Variants in IFT57 observed in about 807,000 individuals in gnomAD.
IFT57 encodes intraflagellar transport protein 57 homolog.
A neutral mutation model predicts 56.8 loss-of-function variants in IFT57; 59 were observed. The ratio of observed to expected loss-of-function variants is 1.04; its 90% CI spans 0.84 to 1.29. IFT57 has a LOEUF of 1.29. IFT57 is among the 50% of genes most tolerant of loss of function. The probability of loss-of-function intolerance (pLI) is 0.00; values close to 1 mark genes in which losing one functional copy is unlikely to be tolerated. For synonymous variants in IFT57, 209 were observed against 186.1 expected (o/e 1.12, Z -1.00); for missense variants, 470 against 522.1 (o/e 0.90, Z 0.97).
chr3:108,166,611 C>T (rs530576481), intron 8 of IFT57, among the ~76,000 whole-genome samples: 1 of 152,136 alleles, frequency 6.6e-6, no homozygotes, highest in Non-Finnish European at 1.5e-5. Flanking sequence ...ACAGCATATG[C>T]CTTCATTTAC....
rs545854377 is a variant in IFT57 at position 108,207,123 on chromosome 3, T to C, written c.586-427A>G. Among the ~76,000 whole-genome samples, 29 of 152,300 alleles carry C rather than the reference T, an allele frequency of 1.9e-4. No homozygotes were observed. In the South Asian group the frequency reaches 5.8e-3, roughly 30 times the overall value. On this transcript the variant is annotated intron_variant, in intron 4 of 10. Transcript: ENST00000264538. ...AAAAATGAGAGGCTGACAGAGAATA[T>C]TCTCACTTTCTCTGACCAATCACAT...
chr3:108,208,823 G>A (rs1257242712), intron 4 of IFT57, among the ~76,000 whole-genome samples: 1 of 152,292 alleles, frequency 6.6e-6, no homozygotes, highest in Middle Eastern at 3.4e-3. Context: ...TGGCATGATT[G>A]ATCCTATTAA....
At chr3:108,199,415 A>G (rs1003135353) in intron 5 of IFT57, among the ~76,000 whole-genome samples, 2 of 152,246 alleles carry the variant, frequency 1.3e-5, no homozygotes, top group Non-Finnish European at 1.5e-5. Flanking sequence ...CCAAGTGTTT[A>G]CAGTGAGGAA....
At chr3:108,210,578 C>T (rs1366806356) in intron 4 of IFT57, among the ~76,000 whole-genome samples, 1 of 151,974 alleles carries the variant, frequency 6.6e-6, no homozygotes, top group Non-Finnish European at 1.5e-5. Flanking sequence ...AGTGATCTGC[C>T]CACCCCAGCC....
chr3:108,194,260 A>T (rs1563042), intron 5 of IFT57, among the ~76,000 whole-genome samples: 14,644 of 152,250 alleles, frequency 0.096, 769 homozygotes, highest in Middle Eastern at 0.12. Flanking sequence ...GACAGCTAAA[A>T]TAAAATACCT....
At chr3:108,201,429 A>G (rs909698712) in intron 5 of IFT57, among the ~76,000 whole-genome samples, 2 of 152,166 alleles carry the variant, frequency 1.3e-5, no homozygotes, top group Non-Finnish European at 2.9e-5. Flanking sequence ...CACATTTCCT[A>G]TTCACCTCCA....
intron 3 of IFT57, among the ~76,000 whole-genome samples, chr3:108,216,350 C>G (rs368715333): frequency 2.0e-5 from 3 of 152,102 alleles, no homozygotes; most frequent in African/African-American, 7.2e-5. Flanking sequence ...TACATAGAAA[C>G]GGCCAACAGA....
At position 108,165,492 on chromosome 3, in the gene IFT57, G is replaced by A. The variant is rs375774129; in HGVS notation, c.983C>T (p.Ala328Val). 6.2e-7 allele frequency: 1 copy of A among 1,611,990 alleles called. No individual in the cohort carries two copies. ...YRAAQAQLSE[A>V]KERYQQGNGG... ...ATTTCCCTGCTGGTATCGCTCCTTTGCCTGAGAGGAAAAACATTTTGTTTA... is the reference window on the plus strand; with the variant it reads ...ATTTCCCTGCTGGTATCGCTCCTTTACCTGAGAGGAAAAACATTTTGTTTA... The change falls in exon 9 of 11, where the codon GCA becomes GTA. Residue 328 changes from alanine to valine, a missense_variant and splice_region_variant. Ala to Val is a moderately conservative substitution (Grantham distance 64, BLOSUM62 0). Transcript: ENST00000264538.
intron 6 of IFT57, among the ~76,000 whole-genome samples, chr3:108,177,091 T>C (rs548556839): frequency 9.2e-5 from 14 of 151,800 alleles, no homozygotes; most frequent in East Asian, 5.8e-4. Context: ...TACCTAAAAA[T>C]TTTAAGTGGA....
At chr3:108,220,229 G>A (rs950711191) in intron 1 of IFT57, among the ~76,000 whole-genome samples, 9 of 152,178 alleles carry the variant, frequency 5.9e-5, no homozygotes, top group African/African-American at 2.2e-4. Context: ...ACATCTGTGG[G>A]CTCTTGCTTA....
chr3:108,215,025 T>C (rs2080363487), intron 3 of IFT57, among the ~76,000 whole-genome samples: 1 of 152,162 alleles, frequency 6.6e-6, no homozygotes, highest in South Asian at 2.1e-4. Flanking sequence ...CATATTTACA[T>C]CTTTGATCAA....
At chr3:108,176,184 A>C (rs1024234937) in intron 6 of IFT57, among the ~76,000 whole-genome samples, 1 of 151,840 alleles carries the variant, frequency 6.6e-6, no homozygotes, top group Admixed American at 6.6e-5. Context: ...GTTTTATTTT[A>C]GTGAATTTAA....
chr3:108,185,643 C>T (rs1230247082), intron 6 of IFT57, among the ~76,000 whole-genome samples: 1 of 148,826 alleles, frequency 6.7e-6, no homozygotes, highest in Non-Finnish European at 1.5e-5. Flanking sequence ...ATCGCAACCT[C>T]CCCCTCCTGG....
intron 4 of IFT57, among the ~76,000 whole-genome samples, chr3:108,212,187 G>A (rs1162412848): frequency 6.6e-6 from 1 of 151,898 alleles, no homozygotes; most frequent in African/African-American, 2.4e-5. Flanking sequence ...TCACTATAAT[G>A]CCCAGGTTGG....
At chr3:108,215,567 TA>T (rs200456677) in intron 3 of IFT57, among the ~76,000 whole-genome samples, 2 of 151,984 alleles carry the variant, frequency 1.3e-5, no homozygotes, top group Admixed American at 1.3e-4. Context: ...TCAATCATGT[TA>T]AAAAAATACA....
intron 6 of IFT57, among the ~76,000 whole-genome samples, chr3:108,183,674 A>C (rs1200655805): frequency 6.6e-6 from 1 of 152,128 alleles, no homozygotes; most frequent in East Asian, 1.9e-4. Flanking sequence ...CACCCTTGCT[A>C]TACAGTAAGC....
chr3:108,184,941 T>C (rs62262415), intron 6 of IFT57, among the ~76,000 whole-genome samples: 14,639 of 152,204 alleles, frequency 0.096, 768 homozygotes, highest in Middle Eastern at 0.12. Context: ...TGGAAGTGCT[T>C]CCAAGAAGTA....
chr3:108,219,569 G>T lies in IFT57; in HGVS notation c.216C>A (p.His72Gln). 1 of 1,613,280 alleles carries T rather than the reference G, an allele frequency of 6.2e-7. No individual in the cohort carries two copies. The highest frequency in any genetic ancestry group is 8.5e-7 in the Non-Finnish European group (1 of 1,179,312). The change falls in exon 2 of 11, where the codon CAC becomes CAA. Residue 72 changes from histidine to glutamine, a missense_variant. Physicochemically the swap from His to Gln is conservative, Grantham distance 24. Transcript: ENST00000264538. ...RKSNLKAPSR[H>Q]YFALPTNPGE... ...CAGGGTTGGTAGGCAGTGCAAAATA[G>T]TGTCTGTTTCAAAACAAGGAGGAAT...
At chr3:108,206,589 G>C (rs200679072) in intron 5 of IFT57, 39 bp downstream of exon 5, 60 of 896,398 alleles carry the variant, frequency 6.7e-5, no homozygotes, top group Non-Finnish European at 9.0e-5. Flanking sequence ...CATGTACATT[G>C]ATTGCTTGTT....
Sources: allele counts gnomAD v4.1 joint callset (sites outside exome capture counted in the v4.1 genomes callset), GRCh38; gene constraint gnomAD v4.1.1; transcripts MANE v1.5; gene names NCBI Gene and HGNC (gene_info 2026-07-23, HGNC 2026-07-21).